CCDC81: variants seen among roughly 807,000 people sequenced by gnomAD.
CCDC81 encodes coiled-coil domain-containing protein 81.
In CCDC81, 79 loss-of-function variants were observed where a neutral mutation model predicts 83.7. That is an observed-to-expected ratio of 0.94 (90% CI 0.79 to 1.14). The LOEUF (loss-of-function observed/expected upper bound fraction) is 1.14, where lower values mean the gene tolerates loss of function less well. Among genes scored for constraint, CCDC81 ranks in the 50% most tolerant of loss-of-function variants. CCDC81 has a pLI of 0.00. For synonymous variants in CCDC81, 252 were observed against 278.1 expected, an observed-to-expected ratio of 0.91 and a Z score of 0.93; for missense variants, 791 against 778.1, an observed-to-expected ratio of 1.02 and a Z score of -0.20.
rs145615977 is a variant in CCDC81 at position 86,410,572 on chromosome 11, G to A, written c.1218+1207G>A. ...GCAGGGAAACAGGGAAGGAAGGAGA[G>A]AGCGAGCGAGCATGGGGCTTCTGAA... On this transcript the variant is annotated intron_variant, in intron 10 of 14. Transcript: ENST00000445632. 2.0e-5 allele frequency among the ~76,000 whole-genome samples: 3 copies of A among 152,276 alleles called. No homozygotes were observed. The East Asian group carries it at 5.8e-4, about 29-fold the overall frequency.
Position 86,408,223 on chromosome 11 carries a change from C to T in CCDC81, c.1066C>T (p.Gln356Ter). 1 of 1,613,952 alleles carries T rather than the reference C, an allele frequency of 6.2e-7. No homozygotes were observed. Among genetic ancestry groups the T allele is most frequent in the Non-Finnish European group, 8.5e-7 (1 of 1,179,900 alleles). ...RREIEDERLI[Q>*]QYQMLKDQEA... ...AGAGATAGAAGATGAGAGACTCATA[C>T]AGCAGTATCAGATGTTAAAGGATCA... Residue 356 changes from glutamine (Q) to a stop codon, truncating the protein, a stop_gained, in exon 9 of 15, where the codon CAG becomes TAG. Transcript: ENST00000445632. LOFTEE classifies it high-confidence loss of function.
At position 86,419,587 on chromosome 11, in the gene CCDC81, A is replaced by G. The variant is rs544174979; in HGVS notation, c.1692-341A>G. 3.0e-5 allele frequency: 5 copies of G among 165,626 alleles called. No individual in the cohort carries two copies. The South Asian group carries it at 9.8e-4, about 33-fold the overall frequency. 10.3% of individuals were successfully genotyped at this position (165,626 alleles called of 1,614,324 possible). A position where few individuals can be genotyped will look rare whatever the true frequency, so the allele number is the denominator to read the frequency against. The stretch of plus-strand genomic sequence containing the variant: ...CAGCTGAGAGGCTGGACTAAAAGGA[A>G]AGAAACAGAGTATAGGAAATCCATT... On this transcript the variant is annotated intron_variant, in intron 13 of 14. Transcript: ENST00000445632.
intron 9 of CCDC81, 85 bp downstream of exon 9, chr11:86,408,355 C>T: frequency 1.6e-6 from 2 of 1,258,604 alleles, no homozygotes; most frequent in Non-Finnish European, 2.1e-6. Context: ...TTTATTGGCG[C>T]AGGGTCTCAC....
intron 4 of CCDC81, among the ~76,000 whole-genome samples, chr11:86,394,741 T>C: frequency 6.6e-6 from 1 of 152,218 alleles, no homozygotes; most frequent in East Asian, 1.9e-4. Context: ...ATTCTACAGT[T>C]AAAATGTGAC....
In CCDC81 at chr11:86,409,270, C is replaced by A; in HGVS notation, c.1123C>A (p.Leu375Met). 1 of 1,409,756 alleles carries A rather than the reference C, an allele frequency of 7.1e-7. No homozygotes were observed. The highest frequency in any genetic ancestry group is 9.4e-7 in the Non-Finnish European group (1 of 1,065,906). The allele number at this position is 1,409,756 out of a possible 1,614,324, so 87.3% of individuals were successfully genotyped here. A position where few individuals can be genotyped will look rare whatever the true frequency, so the allele number is the denominator to read the frequency against. ...EALFRHQMKS[L>M]ATREQNQKNA... is the part of the protein sequence containing the mutation. ...TTTTTTTAAACAATAGATGAAAAGTCTGGCTACTAGAGAACAGAATCAGAA... is the reference window on the plus strand; with the variant it reads ...TTTTTTTAAACAATAGATGAAAAGTATGGCTACTAGAGAACAGAATCAGAA... Residue 375 changes from leucine (L) to methionine (M), a missense_variant, in exon 10 of 15, where the codon CTG becomes ATG. Physicochemically the swap from Leu to Met is conservative, Grantham distance 15 (BLOSUM62 2). Transcript: ENST00000445632.
chr11:86,409,142 A>G (rs1948602510), intron 9 of CCDC81, 119 bp from the exon 10 acceptor site: 1 of 461,994 alleles, frequency 2.2e-6, no homozygotes, highest in Non-Finnish European at 3.8e-6. Context: ...TGCCTCCAAA[A>G]GGCAGGTTTC....
intron 13 of CCDC81, among the ~76,000 whole-genome samples, chr11:86,415,797 T>A (rs920156361): frequency 1.3e-5 from 2 of 152,246 alleles, no homozygotes; most frequent in Admixed American, 1.3e-4. Flanking sequence ...CCTCAGCCTC[T>A]GGAGTAGCTG....
At chr11:86,398,466 C>G (rs952135249) in intron 6 of CCDC81, among the ~76,000 whole-genome samples, 1 of 151,780 alleles carries the variant, frequency 6.6e-6, no homozygotes, top group Non-Finnish European at 1.5e-5. Context: ...ATGTCTGCAT[C>G]TAATCTGTTG....
At position 86,415,176 on chromosome 11, in the gene CCDC81, G is replaced by A. The variant is rs1238523619; in HGVS notation, c.1554G>A (p.Met518Ile). The change falls in exon 13 of 15, where the codon ATG becomes ATA. Residue 518 changes from methionine (M) to isoleucine (I), a missense_variant. Physicochemically the swap from Met to Ile is conservative, Grantham distance 10. Coordinates refer to ENST00000445632, the MANE Select transcript of CCDC81 (RefSeq NM_001156474.2). Reference sequence around the variant, plus strand: ...TTGGTAAGAATGAGGGTGAACTGATGGTGGAAAAGCAAAAGCGAGAACAAA... The same window carrying A: ...TTGGTAAGAATGAGGGTGAACTGATAGTGGAAAAGCAAAAGCGAGAACAAA... ...PIFGKNEGEL[M>I]VEKQKREQNY... 16 of 1,614,192 alleles carry A rather than the reference G, an allele frequency of 9.9e-6. No homozygotes were observed. Among genetic ancestry groups the A allele is most frequent in the Non-Finnish European group, 1.2e-5 (14 of 1,180,046 alleles).
At chr11:86,394,762 TTA>T (rs1948380811) in intron 4 of CCDC81, among the ~76,000 whole-genome samples, 1 of 152,246 alleles carries the variant, frequency 6.6e-6, no homozygotes, top group Admixed American at 6.5e-5. Flanking sequence ...AATGTGACTA[TTA>T]TGTTTACAGT....
chr11:86,422,733 T>C lies in CCDC81; in HGVS notation c.*18T>C. Reference sequence around the variant, plus strand: ...TTGTGTAAAACTCAAAGTTTGGCTCTTCGTTTCCCGGGGAAAGTTTTTATC... The same window carrying C: ...TTGTGTAAAACTCAAAGTTTGGCTCCTCGTTTCCCGGGGAAAGTTTTTATC... On this transcript the variant is annotated 3_prime_UTR_variant, in exon 15 of 15. Transcript: ENST00000445632. The C allele has an allele frequency of 1.2e-6, 2 of 1,607,730 alleles. No individual in the cohort carries two copies. Among genetic ancestry groups the C allele is most frequent in the Non-Finnish European group, 1.7e-6 (2 of 1,175,606 alleles).
At chr11:86,380,912 C>T (rs1024395693) in intron 1 of CCDC81, among the ~76,000 whole-genome samples, 1 of 152,258 alleles carries the variant, frequency 6.6e-6, no homozygotes, top group Non-Finnish European at 1.5e-5. Context: ...ATAGTTCCAA[C>T]ATCCCTGCCA....
At chr11:86,382,682 G>A (rs1005722932) in intron 1 of CCDC81, among the ~76,000 whole-genome samples, 3 of 152,120 alleles carry the variant, frequency 2.0e-5, no homozygotes, top group Admixed American at 6.6e-5. Flanking sequence ...GAAGTGGAGA[G>A]TATAGAGTGA....
intron 1 of CCDC81, among the ~76,000 whole-genome samples, chr11:86,383,388 T>A (rs1358608349): frequency 8.5e-5 from 13 of 152,260 alleles, no homozygotes; most frequent in Non-Finnish European, 1.5e-4. Context: ...TTAATGACTT[T>A]TTCAAGCATA....
chr11:86,389,133 T>C (rs922224915), intron 3 of CCDC81, among the ~76,000 whole-genome samples: 8 of 151,960 alleles, frequency 5.3e-5, no homozygotes, highest in African/African-American at 1.9e-4. Flanking sequence ...CTACAAAAAA[T>C]TATTTAAAAA....
At position 86,374,891 on chromosome 11, in the gene CCDC81, G is replaced by A; in HGVS notation, c.-273G>A. 1 of 428,888 alleles carries A rather than the reference G, an allele frequency of 2.3e-6. No homozygotes were observed. The highest frequency in any genetic ancestry group is 4.4e-6 in the Non-Finnish European group (1 of 228,372). The allele number at this position is 428,888 out of a possible 1,614,324, so 26.6% of individuals were successfully genotyped here. ...GGCGCGGGTCTGCACACTCTCACTCGGTGCCGGACATCAGTTCCTGCGGCT... is the reference window on the plus strand; with the variant it reads ...GGCGCGGGTCTGCACACTCTCACTCAGTGCCGGACATCAGTTCCTGCGGCT... On this transcript the variant is annotated 5_prime_UTR_variant, in exon 1 of 15. Transcript: ENST00000445632.
At chr11:86,399,732 C>G (rs1948458804) in intron 6 of CCDC81, among the ~76,000 whole-genome samples, 1 of 152,080 alleles carries the variant, frequency 6.6e-6, no homozygotes, top group South Asian at 2.1e-4. Context: ...ATCCTACTCA[C>G]CTTTTAGTAC....
At chr11:86,379,263 A>AT (rs1024727503) in intron 1 of CCDC81, among the ~76,000 whole-genome samples, 12 of 151,802 alleles carry the variant, frequency 7.9e-5, no homozygotes, top group Non-Finnish European at 1.3e-4. Context: ...TGCCTGGCTA[A>AT]TTTTTTGTAT....
chr11:86,379,437 T>A (rs1948146360), intron 1 of CCDC81, among the ~76,000 whole-genome samples: 1 of 152,154 alleles, frequency 6.6e-6, no homozygotes, highest in South Asian at 2.1e-4. Flanking sequence ...TGCCTTAGAT[T>A]ACAATATATA....
Sources: allele counts gnomAD v4.1 joint callset (sites outside exome capture counted in the v4.1 genomes callset), GRCh38; gene constraint gnomAD v4.1.1; transcripts MANE v1.5; gene names NCBI Gene and HGNC (gene_info 2026-07-23, HGNC 2026-07-21).